RGS3: variants seen among roughly 807,000 people sequenced by gnomAD.
RGS3 encodes the protein regulator of G protein signaling 3.
RGS3 carries 80 observed loss-of-function variants against 132.6 expected under a neutral mutation model. That is an observed-to-expected ratio of 0.60 (90% CI 0.50 to 0.73). The LOEUF (loss-of-function observed/expected upper bound fraction) is 0.73, where lower values mean the gene tolerates loss of function less well. RGS3 is among the 30% of genes least tolerant of loss of function. The pLI is 0.00. For synonymous variants in RGS3, 598 were observed against 620.6 expected (o/e 0.96, Z 0.54); for missense variants, 1,382 against 1,530.8 (o/e 0.90, Z 1.62).
intron 3 of RGS3, among the ~76,000 whole-genome samples, chr9:113,477,997 G>A (rs1207035540): frequency 2.0e-5 from 3 of 152,248 alleles, no homozygotes; most frequent in African/African-American, 7.2e-5. Context: ...CGATGTCACC[G>A]AGGAAGAGGA....
intron 16 of RGS3, among the ~76,000 whole-genome samples, chr9:113,519,386 T>C (rs922823939): frequency 2.6e-5 from 4 of 152,114 alleles, no homozygotes; most frequent in African/African-American, 9.7e-5. Flanking sequence ...CCCTCTCCCT[T>C]AGCCTTGAAG....
At chr9:113,525,367 T>C (rs1402034942) in intron 17 of RGS3, among the ~76,000 whole-genome samples, 1 of 152,158 alleles carries the variant, frequency 6.6e-6, no homozygotes, top group Non-Finnish European at 1.5e-5. Flanking sequence ...GGAAGTTTAG[T>C]GACCCCTTCT....
At chr9:113,502,844 T>G (rs1035063350) in intron 10 of RGS3, among the ~76,000 whole-genome samples, 3 of 152,250 alleles carry the variant, frequency 2.0e-5, no homozygotes, top group Non-Finnish European at 4.4e-5. Context: ...CTGTTCCTCT[T>G]TAGCTGTGGC....
At chr9:113,584,258 A>G in exon 20 of RGS3, 2 of 1,612,478 alleles carry the variant, frequency 1.2e-6, no homozygotes, top group Non-Finnish European at 1.7e-6. Flanking sequence ...AGCCTGCTGC[A>G]GGAGCCCCGA....
rs1449565956 is a variant in RGS3 at position 113,507,714 on chromosome 9, G to A, written c.1437+76G>A. Reference sequence around the variant, plus strand: ...GGCCAGGAAGACTTGAAGACCCAAAGTTGTGTGATGAGCAGCCTGTGAGGG... The same window carrying A: ...GGCCAGGAAGACTTGAAGACCCAAAATTGTGTGATGAGCAGCCTGTGAGGG... On this transcript the variant is annotated intron_variant, in intron 13 of 24. Transcript: ENST00000350696. This position sits in a 1 kb window ranked among gnomAD's most constrained non-coding sequence, Gnocchi z 5.0. 6 of 1,221,840 alleles carry A rather than the reference G, an allele frequency of 4.9e-6. No homozygotes were observed. In the Admixed American group the frequency reaches 1.8e-4, roughly 36 times the overall value. 75.7% of individuals were successfully genotyped at this position (1,221,840 alleles called of 1,614,324 possible).
intron 19 of RGS3, among the ~76,000 whole-genome samples, chr9:113,542,312 C>G (rs1345941871): frequency 6.6e-6 from 1 of 152,126 alleles, no homozygotes; most frequent in Non-Finnish European, 1.5e-5. Flanking sequence ...AGGTGCAAGA[C>G]ACAGTGGGTG....
intron 14 of RGS3, among the ~76,000 whole-genome samples, chr9:113,511,693 G>A (rs534324304): frequency 7.2e-5 from 11 of 152,182 alleles, no homozygotes; most frequent in Admixed American, 2.6e-4. Flanking sequence ...CTGGGCTAGA[G>A]AAGGGAAGAA....
At chr9:113,520,092 A>G (rs1284946480) in intron 16 of RGS3, among the ~76,000 whole-genome samples, 1 of 152,214 alleles carries the variant, frequency 6.6e-6, no homozygotes, top group East Asian at 1.9e-4. Flanking sequence ...TCCAAGTGGT[A>G]AGGACCCCCT....
At chr9:113,490,754 A>G (rs920707747) in intron 7 of RGS3, among the ~76,000 whole-genome samples, 57 of 123,238 alleles carry the variant, frequency 4.6e-4, no homozygotes, top group African/African-American at 1.8e-3. Flanking sequence ...TTATATTGGT[A>G]TATATAATTA....
At position 113,591,610 on chromosome 9, in the gene RGS3, A is replaced by C; in HGVS notation, c.3080+213A>C. 1 of 551,690 alleles carries C rather than the reference A, an allele frequency of 1.8e-6. No homozygotes were observed. The highest frequency in any genetic ancestry group is 3.3e-6 in the Non-Finnish European group (1 of 305,228). The allele number at this position is 551,690 out of a possible 1,614,324, so 34.2% of individuals were successfully genotyped here. A position where few individuals can be genotyped will look rare whatever the true frequency, so the allele number is the denominator to read the frequency against. On this transcript the variant is annotated intron_variant, in intron 21 of 24. Coordinates refer to ENST00000350696, the Ensembl canonical transcript of RGS3. This position sits in a 1 kb window ranked among gnomAD's most constrained non-coding sequence, Gnocchi z 4.4. ...TGAGCATTCTCTCCAAGTGAGGCAA[A>C]GTGCTGATTCAGTACCCGGAAGCCA... is the stretch of plus-strand genomic sequence containing the variant.
At chr9:113,484,395 C>G (rs1267304774) in intron 6 of RGS3, among the ~76,000 whole-genome samples, 163 bp downstream of exon 4, 1 of 147,810 alleles carries the variant, frequency 6.8e-6, no homozygotes, top group Non-Finnish European at 1.5e-5. Context: ...TCTTTGTTTT[C>G]TCACTCACTT....
chr9:113,512,791 T>C (rs979995214), intron 14 of RGS3, among the ~76,000 whole-genome samples: 3 of 152,120 alleles, frequency 2.0e-5, no homozygotes, highest in Admixed American at 2.0e-4. Context: ...CCCAGGAGTG[T>C]GTGGAGCCTG....
At chr9:113,560,583 C>T (rs1353828676) in intron 19 of RGS3, among the ~76,000 whole-genome samples, 1 of 152,214 alleles carries the variant, frequency 6.6e-6, no homozygotes, top group Non-Finnish European at 1.5e-5. Flanking sequence ...TCCTTAGTTC[C>T]TAGTACCGGC....
chr9:113,580,713 A>C (rs1834753451), intron 19 of RGS3: 1 of 795,578 alleles, frequency 1.3e-6, no homozygotes, highest in Non-Finnish European at 1.5e-6. Flanking sequence ...CCCCTGCCTG[A>C]GTGGCACTTC....
chr9:113,543,523 G>A (rs545515062), intron 19 of RGS3, among the ~76,000 whole-genome samples: 1 of 152,310 alleles, frequency 6.6e-6, no homozygotes, highest in South Asian at 2.1e-4. Context: ...CAGCCCGCGG[G>A]GGGGATTTGT....
chr9:113,463,725 C>G lies in RGS3; in HGVS notation c.415+1524C>G, dbSNP rs1029359571. The G allele has an allele frequency of 1.3e-6, 2 of 1,505,530 alleles. No individual in the cohort carries two copies. The highest frequency in any genetic ancestry group is 1.8e-6 in the Non-Finnish European group (2 of 1,127,588). 93.3% of individuals were successfully genotyped at this position (1,505,530 alleles called of 1,614,324 possible). A position where few individuals can be genotyped will look rare whatever the true frequency, so the allele number is the denominator to read the frequency against. On this transcript the variant is annotated intron_variant, in intron 3 of 24. Coordinates refer to ENST00000350696, the Ensembl canonical transcript of RGS3. This position sits in a 1 kb window ranked among gnomAD's most constrained non-coding sequence, Gnocchi z 4.6. ...ACCTCCCGCTCGCGCTCCTCCCGCC[C>G]TGGAGACTCCGGTTACTGGGGAGCA... is the stretch of plus-strand genomic sequence containing the variant.
intron 3 of RGS3, among the ~76,000 whole-genome samples, chr9:113,477,720 A>G (rs1830037414): frequency 1.3e-5 from 2 of 152,198 alleles, no homozygotes; most frequent in African/African-American, 4.8e-5. Context: ...TGTTGGCTTA[A>G]TATAAGATGC....
intron 3 of RGS3, 126 bp downstream of exon 1, chr9:113,464,007 C>A: frequency 1.0e-6 from 1 of 963,152 alleles, no homozygotes; most frequent in Non-Finnish European, 1.5e-6. Context: ...GGCACCTTCT[C>A]TGGCCCCTTT....
Position 113,463,712 on chromosome 9 carries a change from C to G in RGS3, c.415+1511C>G, listed in dbSNP as rs561018431. 9 of 1,454,924 alleles carry G rather than the reference C, an allele frequency of 6.2e-6. No homozygotes were observed. The highest frequency in any genetic ancestry group is 5.4e-5 in the Admixed American group (2 of 37,098). The allele number at this position is 1,454,924 out of a possible 1,614,324, so 90.1% of individuals were successfully genotyped here. A position where few individuals can be genotyped will look rare whatever the true frequency, so the allele number is the denominator to read the frequency against. ...TTGGGGCAGCCCTACCTCCCGCTCG[C>G]GCTCCTCCCGCCCTGGAGACTCCGG... On this transcript the variant is annotated intron_variant, in intron 3 of 24. Coordinates refer to ENST00000350696, the Ensembl canonical transcript of RGS3. The surrounding 1 kb of genome is among the most constrained non-coding windows in gnomAD (Gnocchi z 4.6).
Sources: gnomAD v4.1 joint callset for allele counts (sites outside exome capture counted in the v4.1 genomes callset) on GRCh38, gnomAD v4.1.1 for gene constraint, Gnocchi (gnomAD v3.1) non-coding constraint, MANE v1.5 for transcripts, NCBI Gene and HGNC (gene_info 2026-07-23, HGNC 2026-07-21) for gene names.